PDZD2: variants seen among roughly 807,000 people sequenced by gnomAD.
PDZD2 encodes the protein PDZ domain containing 2.
PDZD2 carries 90 observed loss-of-function variants against 220.7 expected under a neutral mutation model. The observed-to-expected ratio is 0.41, with a 90% CI of 0.34 to 0.49. The LOEUF (loss-of-function observed/expected upper bound fraction) is 0.49, where lower values mean the gene tolerates loss of function less well. PDZD2 is among the 20% of genes least tolerant of loss of function. The probability of loss-of-function intolerance (pLI) is 0.28; values close to 1 mark genes in which losing one functional copy is unlikely to be tolerated. For missense variants in PDZD2, 3,174 were observed against 3,608.5 expected (o/e 0.88, Z 3.08); for synonymous variants, 1,375 against 1,450.5 (o/e 0.95, Z 1.18).
intron 1 of PDZD2, among the ~76,000 whole-genome samples, chr5:31,716,531 G>A (rs540443581): frequency 9.4e-4 from 143 of 152,292 alleles, no homozygotes; most frequent in African/African-American, 3.3e-3. Context: ...GGCCAGGCGC[G>A]GTGGTTCACA....
At chr5:31,774,719 CA>C (rs931961841) in intron 1 of PDZD2, among the ~76,000 whole-genome samples, 196 of 140,760 alleles carry the variant, frequency 1.4e-3, no homozygotes, top group African/African-American at 4.9e-3. Context: ...AACTCCCTCT[CA>C]AAAAAAAAAC....
chr5:31,806,071 G>A (rs756582928), intron 2 of PDZD2, among the ~76,000 whole-genome samples: 6 of 152,086 alleles, frequency 3.9e-5, no homozygotes, highest in Admixed American at 1.3e-4. Flanking sequence ...GTTTGTGGTC[G>A]CCCTAGAAAA....
At chr5:32,041,739 G>A (rs1428288229) in intron 7 of PDZD2, among the ~76,000 whole-genome samples, 1 of 151,830 alleles carries the variant, frequency 6.6e-6, no homozygotes, top group Admixed American at 6.6e-5. Context: ...AGGAAAACCA[G>A]AGACCTTTGT....
At chr5:31,995,216 T>C (rs1451151380) in intron 3 of PDZD2, among the ~76,000 whole-genome samples, 1 of 152,190 alleles carries the variant, frequency 6.6e-6, no homozygotes, top group East Asian at 1.9e-4. Flanking sequence ...ATGCTGCCCA[T>C]AGCATAGTCA....
rs754767049 is a variant in PDZD2, at chr5:32,087,353, A to G, written c.3905A>G (p.Tyr1302Cys). The G allele has an allele frequency of 2.5e-6, 4 of 1,614,040 alleles. No individual in the cohort carries two copies. The highest frequency in any genetic ancestry group is 3.4e-6 in the Non-Finnish European group (4 of 1,179,936). Residue 1302 changes from tyrosine to cysteine, a missense_variant, in exon 20 of 25, where the codon TAC becomes TGC. Transcript: ENST00000438447. The surrounding 1 kb of genome is among the most constrained non-coding windows in gnomAD (Gnocchi z 4.0). ...PGEKAAAPPD[Y>C]SKTRSASETS... ...GAGAAAGCAGCGGCTCCCCCTGACT[A>G]CAGCAAGACTCGATCAGCATCGGAA...
intron 6 of PDZD2, among the ~76,000 whole-genome samples, chr5:32,031,275 C>G (rs1755093013): frequency 6.6e-6 from 1 of 152,216 alleles, no homozygotes; most frequent in African/African-American, 2.4e-5. Flanking sequence ...AGTTACTCAT[C>G]AGACTCTGGA....
intron 2 of PDZD2, among the ~76,000 whole-genome samples, chr5:31,837,016 AAAAGAAAGAAAG>A (rs5867108): frequency 0.41 from 59,345 of 146,516 alleles, 12,735 homozygotes; most frequent in African/African-American, 0.53. Context: ...AGACTGTCTT[AAAAGAAAGAAAG>A]AAAGAAAGAA....
intron 7 of PDZD2, among the ~76,000 whole-genome samples, chr5:32,044,076 C>G (rs1737691250): frequency 6.6e-6 from 1 of 152,012 alleles, no homozygotes; most frequent in African/African-American, 2.4e-5. Context: ...TGCCTATAAT[C>G]CCAGCACTTT....
At chr5:31,920,950 A>G (rs1744199902) in intron 2 of PDZD2, among the ~76,000 whole-genome samples, 1 of 152,048 alleles carries the variant, frequency 6.6e-6, no homozygotes, top group Non-Finnish European at 1.5e-5. Context: ...TTAGTAGCTC[A>G]TTTCTTTTCA....
At chr5:32,045,586 CT>C (rs1414537622) in intron 7 of PDZD2, among the ~76,000 whole-genome samples, 2 of 148,110 alleles carry the variant, frequency 1.4e-5, no homozygotes, top group Non-Finnish European at 3.0e-5. Flanking sequence ...CCACGCCCAG[CT>C]GTTTTTTTTT....
intron 2 of PDZD2, among the ~76,000 whole-genome samples, chr5:31,964,571 A>C (rs968132756): frequency 3.9e-5 from 6 of 152,154 alleles, no homozygotes; most frequent in African/African-American, 1.4e-4. Flanking sequence ...TGGCTTCCCA[A>C]ATATGCCTCC....
intron 1 of PDZD2, among the ~76,000 whole-genome samples, chr5:31,672,906 C>T (rs1441557642): frequency 2.0e-5 from 3 of 152,194 alleles, no homozygotes; most frequent in African/African-American, 4.8e-5. Context: ...ATTCTGATAA[C>T]GAAACACTTT....
intron 1 of PDZD2, among the ~76,000 whole-genome samples, chr5:31,689,353 A>ATTTTTTTTTTTTTTT (rs1160111594): frequency 2.8e-5 from 1 of 35,122 alleles, no homozygotes; most frequent in Non-Finnish European, 4.2e-5. Flanking sequence ...ATATATATAT[A>ATTTTTTTTTTTTTTT]TTTTTTTTTT....
intron 6 of PDZD2, among the ~76,000 whole-genome samples, chr5:32,017,977 A>G (rs749352238): frequency 1.3e-5 from 2 of 152,198 alleles, no homozygotes; most frequent in Admixed American, 1.3e-4. Flanking sequence ...ATCTACAATG[A>G]GAGGGAAGAC....
At chr5:31,964,754 C>T (rs1297960185) in intron 2 of PDZD2, among the ~76,000 whole-genome samples, 1 of 152,142 alleles carries the variant, frequency 6.6e-6, no homozygotes, top group Non-Finnish European at 1.5e-5. Flanking sequence ...CTCGCTCTGT[C>T]GCCCAGGCTG....
In PDZD2 at chr5:32,051,670, A is replaced by T. The variant is rs570327184; in HGVS notation, c.1666-941A>T. On this transcript the variant is annotated intron_variant, in intron 8 of 24. Transcript: ENST00000438447. Reference sequence around the variant, plus strand: ...CTTACACGCGTGTATATTATGGGTGATGGACACAAAAAAGGGGTGAGATTG... The same window carrying T: ...CTTACACGCGTGTATATTATGGGTGTTGGACACAAAAAAGGGGTGAGATTG... Among the ~76,000 whole-genome samples, 10 of 152,276 alleles carry T rather than the reference A, an allele frequency of 6.6e-5. No homozygotes were observed. The South Asian group carries it at 1.9e-3, about 28-fold the overall frequency.
At chr5:32,044,048 G>T (rs1320904874) in intron 7 of PDZD2, among the ~76,000 whole-genome samples, 1 of 152,156 alleles carries the variant, frequency 6.6e-6, no homozygotes, top group East Asian at 1.9e-4. Context: ...GGCCTTCTAG[G>T]CTGGGCTTGG....
chr5:32,072,536 G>T (rs528075541), intron 17 of PDZD2, among the ~76,000 whole-genome samples: 3 of 152,170 alleles, frequency 2.0e-5, no homozygotes, highest in Non-Finnish European at 4.4e-5. Flanking sequence ...TTCAAGACCA[G>T]CCTGGCTAAC....
rs5867112 is a variant in PDZD2 at position 31,875,691 on chromosome 5, TATA to T, written c.476+75970_476+75972del. 2.3e-3 allele frequency among the ~76,000 whole-genome samples: 341 copies of T among 149,238 alleles called. 4 individuals are homozygous for T. The highest frequency in any genetic ancestry group is 8.1e-3 in the African/African-American group (331 of 41,036). On this transcript the variant is annotated intron_variant, in intron 2 of 24. Transcript: ENST00000438447. ...CATATAAATTTAATATATATTTAAA[TATA>T]ATCTATTTGGGATTATATATATACA...
Sources: allele counts gnomAD v4.1 joint callset (sites outside exome capture counted in the v4.1 genomes callset), GRCh38; gene constraint gnomAD v4.1.1; non-coding constraint Gnocchi (gnomAD v3.1); transcripts MANE v1.5; gene names NCBI Gene and HGNC (gene_info 2026-07-23, HGNC 2026-07-21).